The following NRIP1 variants were observed in gnomAD, a reference collection of about 807,000 sequenced individuals.
The protein encoded by NRIP1 is nuclear receptor-interacting protein 1.
In NRIP1, 28 loss-of-function variants were observed where a neutral mutation model predicts 75.0. The ratio of observed to expected loss-of-function variants is 0.37; its 90% CI spans 0.28 to 0.51. The LOEUF (loss-of-function observed/expected upper bound fraction) is 0.51. NRIP1 is among the 20% of genes least tolerant of loss of function. The pLI is 0.92. For synonymous variants in NRIP1, 526 were observed against 487.6 expected, an observed-to-expected ratio of 1.08 and a Z score of -1.04; for missense variants, 1,435 against 1,343.7, an observed-to-expected ratio of 1.07 and a Z score of -1.06.
Position 15,056,521 on chromosome 21 carries a change from A to C in NRIP1, c.-538+8224T>G, listed in dbSNP as rs573307450. On this transcript the variant is annotated intron_variant, in intron 1 of 3. Transcript: ENST00000318948. ...TATTTTAATTCATTTTTTTTTAAAA[A>C]GCATGGATCAGTTAAGGAAATAATA... 3.9e-5 allele frequency among the ~76,000 whole-genome samples: 6 copies of C among 152,266 alleles called. No homozygotes were observed. The South Asian group carries it at 1.2e-3, about 32-fold the overall frequency.
At chr21:14,980,079 T>G (rs2087189723) in intron 3 of NRIP1, among the ~76,000 whole-genome samples, 1 of 152,110 alleles carries the variant, frequency 6.6e-6, no homozygotes. Flanking sequence ...ACAAAAGAAG[T>G]TTTATAATTT....
At chr21:14,981,640 T>C (rs919841070) in intron 3 of NRIP1, among the ~76,000 whole-genome samples, 1 of 152,212 alleles carries the variant, frequency 6.6e-6, no homozygotes, top group Non-Finnish European at 1.5e-5. Context: ...CAGAACAACT[T>C]TTCTCTTAAC....
intron 2 of NRIP1, among the ~76,000 whole-genome samples, chr21:15,034,260 T>C (rs892071883): frequency 6.6e-6 from 1 of 152,204 alleles, no homozygotes; most frequent in East Asian, 1.9e-4. Context: ...TTTATTTTCT[T>C]GCAGTCAGCA....
Position 14,996,751 on chromosome 21 carries a change from G to A in NRIP1, c.-335+17593C>T, listed in dbSNP as rs528554270. On this transcript the variant is annotated intron_variant, in intron 3 of 3. Transcript: ENST00000318948. ...TTTTTGCTAAATATAATAAATGCAC[G>A]TCATTACTCTTAGTTGCTCCCTGGC... Among the ~76,000 whole-genome samples, 11 of 152,114 alleles carry A rather than the reference G, an allele frequency of 7.2e-5. No individual in the cohort carries two copies. The East Asian group carries it at 7.7e-4, about 11-fold the overall frequency.
At chr21:15,003,485 T>C (rs895730749) in intron 3 of NRIP1, among the ~76,000 whole-genome samples, 4 of 152,232 alleles carry the variant, frequency 2.6e-5, no homozygotes, top group African/African-American at 9.6e-5. Context: ...CTTGACACAC[T>C]GACCATGTCA....
chr21:14,967,132 G>A lies in NRIP1; in HGVS notation c.1061C>T (p.Pro354Leu). The A allele has an allele frequency of 6.2e-7, 1 of 1,614,080 alleles. No homozygotes were observed. Among genetic ancestry groups the A allele is most frequent in the South Asian group, 1.1e-5 (1 of 91,068 alleles). The change falls in exon 4 of 4, where the codon CCT becomes CTT. Residue 354 changes from proline to leucine, a missense_variant. Physicochemically the swap from Pro to Leu is moderately conservative, Grantham distance 98. Transcript: ENST00000318948. ...ATAACCTGCATTTTTAGGGGAAGAA[G>A]GAATGATACCCATTGGATTTTGAAA... ...TVFQNPMGII[P>L]SSPKNAGYKN... is the part of the protein sequence containing the mutation.
At chr21:14,970,709 C>T (rs2146956093) in intron 3 of NRIP1, among the ~76,000 whole-genome samples, 1 of 152,258 alleles carries the variant, frequency 6.6e-6, no homozygotes, top group South Asian at 2.1e-4. Context: ...CAAAATCATA[C>T]CAGTCATTTG....
chr21:15,024,047 G>A (rs1163320749), intron 2 of NRIP1, among the ~76,000 whole-genome samples: 1 of 152,126 alleles, frequency 6.6e-6, no homozygotes, highest in Non-Finnish European at 1.5e-5. Context: ...AATAGAGAAG[G>A]CATGTCTTTA....
intron 2 of NRIP1, among the ~76,000 whole-genome samples, chr21:15,038,000 A>G (rs1319056071): frequency 1.3e-5 from 2 of 152,258 alleles, no homozygotes; most frequent in East Asian, 3.9e-4. Context: ...TGGAAAGACA[A>G]AGAAACCAAA....
chr21:15,007,629 T>C (rs531701542), intron 3 of NRIP1, among the ~76,000 whole-genome samples: 1 of 152,324 alleles, frequency 6.6e-6, no homozygotes, highest in Non-Finnish European at 1.5e-5. Flanking sequence ...GTAAGGGTTT[T>C]GCTAAGACAG....
intron 2 of NRIP1, among the ~76,000 whole-genome samples, chr21:15,035,265 G>C (rs560633746): frequency 1.5e-4 from 23 of 152,126 alleles, no homozygotes; most frequent in African/African-American, 4.3e-4. Context: ...TTTCTGAAGA[G>C]AAAACAGGAA....
At chr21:14,971,553 C>A (rs2086903086) in intron 3 of NRIP1, 1 of 152,148 alleles carries the variant, frequency 6.6e-6, no homozygotes, top group African/African-American at 2.4e-5. Flanking sequence ...TAGACAACAT[C>A]TAGAGAAACA....
At chr21:14,980,829 T>A (rs1000805195) in intron 3 of NRIP1, among the ~76,000 whole-genome samples, 3 of 152,154 alleles carry the variant, frequency 2.0e-5, no homozygotes, top group Admixed American at 1.3e-4. Flanking sequence ...TACCTTTGCA[T>A]GAAAATAACC....
At chr21:14,981,626 GT>G (rs34056892) in intron 3 of NRIP1, among the ~76,000 whole-genome samples, 19,538 of 152,102 alleles carry the variant, frequency 0.13, 2,277 homozygotes, top group African/African-American at 0.31. Flanking sequence ...GACCAAAAAT[GT>G]TTCAGAACAA....
chr21:15,005,667 T>C (rs1351429550), intron 3 of NRIP1, among the ~76,000 whole-genome samples: 1 of 152,174 alleles, frequency 6.6e-6, no homozygotes, highest in Admixed American at 6.5e-5. Flanking sequence ...TCTGTGCCAG[T>C]GTGAGAAGCA....
chr21:15,024,455 T>C (rs760340131), intron 2 of NRIP1, among the ~76,000 whole-genome samples: 20 of 152,004 alleles, frequency 1.3e-4, no homozygotes, highest in Non-Finnish European at 2.9e-4. Context: ...AGCAGGAGAA[T>C]TGCTTGAACC....
intron 3 of NRIP1, among the ~76,000 whole-genome samples, chr21:15,004,402 T>C (rs1484841613): frequency 6.6e-6 from 1 of 152,226 alleles, no homozygotes; most frequent in Non-Finnish European, 1.5e-5. Context: ...CTTCTATACA[T>C]AATACACATA....
intron 2 of NRIP1, among the ~76,000 whole-genome samples, chr21:15,018,684 C>A (rs977807595): frequency 3.9e-5 from 6 of 152,066 alleles, no homozygotes; most frequent in Non-Finnish European, 8.8e-5. Context: ...TAATGTGTTA[C>A]CCCACACACA....
chr21:15,064,654 A>C (rs1037405282), intron 1 of NRIP1, 91 bp downstream of exon 1: 1 of 150,710 alleles, frequency 6.6e-6, no homozygotes, highest in Non-Finnish European at 1.5e-5. Context: ...CTGCCAGCCA[A>C]GCGAGAGCCG....
Sources: gnomAD v4.1 joint callset for allele counts (sites outside exome capture counted in the v4.1 genomes callset) on GRCh38, gnomAD v4.1.1 for gene constraint, MANE v1.5 for transcripts, NCBI Gene and HGNC (gene_info 2026-07-23, HGNC 2026-07-21) for gene names.